The following LRRTM4 variants were observed in gnomAD, a reference collection of about 807,000 sequenced individuals.
The protein encoded by LRRTM4 is leucine rich repeat transmembrane neuronal 4, also known as leucine-rich repeat transmembrane neuronal protein 4.
In LRRTM4, 25 loss-of-function variants were observed where a neutral mutation model predicts 47.6. The observed-to-expected ratio is 0.53, with a 90% CI of 0.38 to 0.73. LRRTM4 has a LOEUF of 0.73. Among genes scored for constraint, LRRTM4 ranks in the 30% least tolerant of loss-of-function variants. LRRTM4 has a pLI of 0.00. For synonymous variants in LRRTM4, 311 were observed against 269.5 expected, an observed-to-expected ratio of 1.15 and a Z score of -1.51; for missense variants, 638 against 713.4, an observed-to-expected ratio of 0.89 and a Z score of 1.20.
At chr2:76,961,277 T>C (rs902650849) in intron 3 of LRRTM4, among the ~76,000 whole-genome samples, 1 of 151,344 alleles carries the variant, frequency 6.6e-6, no homozygotes, top group African/African-American at 2.4e-5. Flanking sequence ...TGTCAAAACA[T>C]GAATGATTTG....
At chr2:77,346,479 G>T (rs1671566167) in intron 3 of LRRTM4, among the ~76,000 whole-genome samples, 1 of 150,684 alleles carries the variant, frequency 6.6e-6, no homozygotes, top group African/African-American at 2.4e-5. Flanking sequence ...TGTGTGTGCT[G>T]GGGGGGTCTA....
chr2:77,518,126 AT>A (rs201541858), intron 3 of LRRTM4, 191 bp downstream of exon 3: 18 of 1,262,400 alleles, frequency 1.4e-5, no homozygotes, highest in African/African-American at 1.1e-4. Context: ...AGTTTCAACC[AT>A]TTAAAAAAAA....
At chr2:76,918,616 C>T (rs774167351) in intron 3 of LRRTM4, among the ~76,000 whole-genome samples, 3 of 151,992 alleles carry the variant, frequency 2.0e-5, no homozygotes, top group Admixed American at 6.6e-5. Flanking sequence ...AAAATACAGA[C>T]GAACCCGGAA....
At chr2:77,197,793 C>T (rs1302363901) in intron 3 of LRRTM4, among the ~76,000 whole-genome samples, 1 of 152,164 alleles carries the variant, frequency 6.6e-6, no homozygotes, top group African/African-American at 2.4e-5. Context: ...CATTATGATA[C>T]AGAGTGACAG....
intron 3 of LRRTM4, among the ~76,000 whole-genome samples, chr2:77,260,499 A>C (rs537908191): frequency 9.2e-5 from 14 of 151,948 alleles, no homozygotes; most frequent in African/African-American, 2.7e-4. Context: ...TAGATACCAA[A>C]CCACTCCTTA....
intron 3 of LRRTM4, among the ~76,000 whole-genome samples, chr2:77,111,010 T>C (rs746704597): frequency 4.5e-4 from 68 of 152,176 alleles, no homozygotes; most frequent in Non-Finnish European, 7.9e-4. Flanking sequence ...AGTTTTTGAG[T>C]TAGAAGACAC....
In LRRTM4 at chr2:76,828,539, A is replaced by T. The variant is rs956467678; in HGVS notation, c.1552-79623T>A. 2.0e-5 allele frequency among the ~76,000 whole-genome samples: 3 copies of T among 151,952 alleles called. No individual in the cohort carries two copies. The Admixed American group carries it at 2.0e-4, about 10-fold the overall frequency. On this transcript the variant is annotated intron_variant, in intron 3 of 3. Transcript: ENST00000409884. ...GTGTAATGCTGCCCTTTGAGAAAGG[A>T]TAAGAGAAATGTGTATAGGTTCATT...
At chr2:77,007,763 G>A (rs539597867) in intron 3 of LRRTM4, among the ~76,000 whole-genome samples, 8 of 152,054 alleles carry the variant, frequency 5.3e-5, no homozygotes, top group Non-Finnish European at 7.4e-5. Flanking sequence ...TCTTCCATTC[G>A]GCTTTAGAGA....
intron 3 of LRRTM4, among the ~76,000 whole-genome samples, chr2:77,242,683 A>G (rs1002622563): frequency 8.6e-6 from 1 of 116,700 alleles, no homozygotes; most frequent in Admixed American, 9.6e-5. Flanking sequence ...CAAAGAAAAG[A>G]AAAGCAAAAA....
intron 3 of LRRTM4, among the ~76,000 whole-genome samples, chr2:77,479,707 ATCTCTCTCTTTCTCTTC>A: frequency 6.6e-6 from 1 of 150,710 alleles, no homozygotes; most frequent in Non-Finnish European, 1.5e-5. Context: ...TCTCGTCTCC[ATCTCTCTCTTTCTCTTC>A]TCTCCATCTC....
At position 76,748,588 on chromosome 2, in the gene LRRTM4, G is replaced by C. The variant is rs1010053934; in HGVS notation, c.*107C>G. ...CTCTATGCCATAAATGTTTTAACAG[G>C]AACGATGAGCTTGCTCGATTGCGCG... On this transcript the variant is annotated 3_prime_UTR_variant, in exon 4 of 4. Transcript: ENST00000409884. The C allele has an allele frequency of 1.1e-6, 1 of 892,694 alleles. No individual in the cohort carries two copies. The highest frequency in any genetic ancestry group is 1.7e-6 in the Non-Finnish European group (1 of 572,446). 55.3% of individuals were successfully genotyped at this position (892,694 alleles called of 1,614,324 possible). A position where few individuals can be genotyped will look rare whatever the true frequency, so the allele number is the denominator to read the frequency against.
intron 3 of LRRTM4, among the ~76,000 whole-genome samples, chr2:77,434,416 C>T (rs531640789): frequency 2.1e-5 from 3 of 143,438 alleles, no homozygotes; most frequent in African/African-American, 7.8e-5. Context: ...ACTTTTGAAA[C>T]AAAGGGAGAA....
At chr2:77,394,116 C>T (rs560433765) in intron 3 of LRRTM4, among the ~76,000 whole-genome samples, 1 of 151,772 alleles carries the variant, frequency 6.6e-6, no homozygotes, top group South Asian at 2.1e-4. Flanking sequence ...TTTATTTATG[C>T]AACTCAAAAT....
chr2:77,069,456 G>A (rs567865541), intron 3 of LRRTM4, among the ~76,000 whole-genome samples: 4 of 149,080 alleles, frequency 2.7e-5, no homozygotes, highest in Non-Finnish European at 4.4e-5. Flanking sequence ...TGTTGGAAGA[G>A]TTCAAGAAGG....
intron 3 of LRRTM4, among the ~76,000 whole-genome samples, chr2:77,234,549 A>G (rs1039247043): frequency 7.9e-5 from 12 of 152,334 alleles, no homozygotes; most frequent in Admixed American, 7.8e-4. Flanking sequence ...TTGTAATTAT[A>G]TGCTAAAATT....
At chr2:76,909,547 G>A (rs1236255327) in intron 3 of LRRTM4, among the ~76,000 whole-genome samples, 1 of 151,956 alleles carries the variant, frequency 6.6e-6, no homozygotes, top group Non-Finnish European at 1.5e-5. Context: ...TACCATCAGA[G>A]TGAACAGGCA....
intron 3 of LRRTM4, among the ~76,000 whole-genome samples, chr2:77,387,404 A>C (rs1673320854): frequency 6.6e-6 from 1 of 152,144 alleles, no homozygotes; most frequent in Non-Finnish European, 1.5e-5. Context: ...AGCAAAGGGC[A>C]GGCTAACCAG....
intron 3 of LRRTM4, among the ~76,000 whole-genome samples, chr2:77,358,467 C>T (rs982179578): frequency 3.9e-5 from 6 of 152,154 alleles, no homozygotes; most frequent in Non-Finnish European, 8.8e-5. Context: ...CATAAGGAAT[C>T]CAGCCCAAAC....
chr2:76,800,790 G>A (rs370885679), intron 3 of LRRTM4, among the ~76,000 whole-genome samples: 19,349 of 135,846 alleles, frequency 0.14, 1,467 homozygotes, highest in African/African-American at 0.17. Context: ...AAAAGTGGGC[G>A]AAGGACATGA....
Sources: gnomAD v4.1 joint callset for allele counts (sites outside exome capture counted in the v4.1 genomes callset) on GRCh38, gnomAD v4.1.1 for gene constraint, MANE v1.5 for transcripts, NCBI Gene and HGNC (gene_info 2026-07-23, HGNC 2026-07-21) for gene names.